Variants in DDX1 observed in about 807,000 individuals in gnomAD.
DDX1 encodes DEAD-box helicase 1.
In DDX1, 28 loss-of-function variants were observed where a neutral mutation model predicts 108.7. The ratio of observed to expected loss-of-function variants is 0.26; its 90% CI spans 0.19 to 0.35. The LOEUF is 0.35. Ranked by LOEUF, DDX1 falls within the 10% of genes least tolerant of loss-of-function variation. DDX1 has a pLI of 1.00. For synonymous variants in DDX1, 295 were observed against 288.9 expected (o/e 1.02, Z -0.21); for missense variants, 710 against 884.5 (o/e 0.80, Z 2.50).
intron 18 of DDX1, 44 bp downstream of exon 18, chr2:15,621,160 A>G: frequency 7.4e-7 from 1 of 1,351,808 alleles, no homozygotes; most frequent in East Asian, 2.3e-5. Flanking sequence ...TTGAAAATGA[A>G]ATTTATACCT....
At chr2:15,622,252 T>C (rs1285868909) in intron 18 of DDX1, among the ~76,000 whole-genome samples, 1 of 152,224 alleles carries the variant, frequency 6.6e-6, no homozygotes, top group Non-Finnish European at 1.5e-5. Flanking sequence ...TGTACAATCA[T>C]CACCACTGTC....
chr2:15,593,328 C>G (rs970686143), intron 1 of DDX1, among the ~76,000 whole-genome samples: 3 of 152,096 alleles, frequency 2.0e-5, no homozygotes, highest in Non-Finnish European at 2.9e-5. Context: ...TAGGATAGTT[C>G]TAGGTAGTCA....
At chr2:15,614,124 G>A (rs1665851962) in intron 14 of DDX1, among the ~76,000 whole-genome samples, 1 of 152,164 alleles carries the variant, frequency 6.6e-6, no homozygotes, top group Non-Finnish European at 1.5e-5. Context: ...CCTGGCCGAA[G>A]TTTAGGAAAT....
Position 15,620,191 on chromosome 2 carries a change from G to T in DDX1, c.1207-17G>T. 6.3e-7 allele frequency: 1 copy of T among 1,598,048 alleles called. No homozygotes were observed. Among genetic ancestry groups the T allele is most frequent in the African/African-American group, 1.4e-5 (1 of 73,990 alleles). On this transcript the variant is annotated splice_polypyrimidine_tract_variant and intron_variant, in intron 16 of 25. Coordinates refer to ENST00000233084, the MANE Select transcript of DDX1 (RefSeq NM_004939.3). ...TATTATAAAAGTTCATCTCAATTTG[G>T]GGTTTCCTCTTCTTAGGTGATTGTT... is the stretch of plus-strand genomic sequence containing the variant.
At chr2:15,596,152 G>A (rs1218935203) in intron 3 of DDX1, among the ~76,000 whole-genome samples, 1 of 152,178 alleles carries the variant, frequency 6.6e-6, no homozygotes, top group East Asian at 1.9e-4. Flanking sequence ...CTCCCAAAGT[G>A]CTGGAGTTAT....
At chr2:15,597,101 G>A (rs183547165) in intron 4 of DDX1, among the ~76,000 whole-genome samples, 1 of 152,268 alleles carries the variant, frequency 6.6e-6, no homozygotes, top group East Asian at 1.9e-4. Flanking sequence ...TAATTTGTCG[G>A]ACTGGATGGT....
At chr2:15,626,696 C>T (rs756059396) in intron 19 of DDX1, among the ~76,000 whole-genome samples, 3 of 152,108 alleles carry the variant, frequency 2.0e-5, no homozygotes, top group Non-Finnish European at 4.4e-5. Context: ...ATTTTGGTTC[C>T]TCCAAGAATG....
chr2:15,594,943 C>T (rs994976503), intron 1 of DDX1, among the ~76,000 whole-genome samples: 40 of 152,206 alleles, frequency 2.6e-4, no homozygotes, highest in African/African-American at 9.2e-4. Context: ...CCTAAGGTCA[C>T]TTGCTAATAA....
intron 9 of DDX1, 92 bp from the exon 10 acceptor site, chr2:15,604,345 A>C (rs1233965946): frequency 2.4e-6 from 2 of 829,540 alleles, no homozygotes; most frequent in African/African-American, 3.5e-5. Flanking sequence ...TTAAATAATT[A>C]TTTTGAAACA....
Position 15,613,985 on chromosome 2 carries a change from C to T in DDX1, c.1017+701C>T, listed in dbSNP as rs137984347. Among the ~76,000 whole-genome samples, 164 of 152,054 alleles carry T rather than the reference C, an allele frequency of 1.1e-3. 1 individual carries two copies. The highest frequency in any genetic ancestry group is 3.6e-3 in the African/African-American group (150 of 41,464). ...CTCAGTAGCTGGGATTACAGGCACC[C>T]GCCACCATGTTGGCTGATTTTTTTG... On this transcript the variant is annotated intron_variant, in intron 14 of 25. Coordinates refer to ENST00000233084, the MANE Select transcript of DDX1 (RefSeq NM_004939.3).
chr2:15,592,939 G>A (rs993122295), intron 1 of DDX1, among the ~76,000 whole-genome samples: 1 of 131,216 alleles, frequency 7.6e-6, no homozygotes, highest in African/African-American at 2.8e-5. Context: ...GGGGGGTGGG[G>A]GGATGTAGTC....
intron 13 of DDX1, among the ~76,000 whole-genome samples, chr2:15,611,139 G>T (rs1257905840): frequency 3.4e-5 from 5 of 148,656 alleles, no homozygotes; most frequent in Non-Finnish European, 6.0e-5. Flanking sequence ...ATCTTGCACC[G>T]CCCTTAATCC....
intron 13 of DDX1, 36 bp downstream of exon 13, chr2:15,607,349 T>C: frequency 6.2e-7 from 1 of 1,602,144 alleles, no homozygotes; most frequent in Non-Finnish European, 8.5e-7. Flanking sequence ...GCTTATTGTC[T>C]TTTGGTTTGA....
chr2:15,628,061 TC>T (rs1229650691), intron 20 of DDX1, among the ~76,000 whole-genome samples: 1 of 152,218 alleles, frequency 6.6e-6, no homozygotes, highest in Admixed American at 6.5e-5. Flanking sequence ...AGGTAAAATA[TC>T]TAGTATTCTG....
At chr2:15,619,171 A>G (rs1031839595) in intron 16 of DDX1, among the ~76,000 whole-genome samples, 1 of 151,708 alleles carries the variant, frequency 6.6e-6, no homozygotes, top group Non-Finnish European at 1.5e-5. Flanking sequence ...TCTGTGCCCA[A>G]CCTCACTGCT....
At chr2:15,617,663 T>G (rs1448699131) in intron 15 of DDX1, among the ~76,000 whole-genome samples, 1 of 152,206 alleles carries the variant, frequency 6.6e-6, no homozygotes. Flanking sequence ...TATTTCTAGG[T>G]ATGTAGGCAG....
chr2:15,596,306 GA>G (rs1202670106), intron 3 of DDX1, among the ~76,000 whole-genome samples: 1 of 151,788 alleles, frequency 6.6e-6, no homozygotes, highest in Non-Finnish European at 1.5e-5. Flanking sequence ...ATATGTGTCT[GA>G]GGGGGGATAA....
chr2:15,604,678 T>C (rs1383212344), intron 10 of DDX1, among the ~76,000 whole-genome samples, 169 bp downstream of exon 10: 1 of 152,142 alleles, frequency 6.6e-6, no homozygotes, highest in African/African-American at 2.4e-5. Context: ...TGGTAAGTAC[T>C]GGAGGCACAG....
Position 15,630,766 on chromosome 2 carries a change from T to C in DDX1, c.2093-10T>C, listed in dbSNP as rs568629433. 4.4e-6 allele frequency: 7 copies of C among 1,608,976 alleles called. No individual in the cohort carries two copies. The South Asian group carries it at 6.6e-5, about 15-fold the overall frequency. ...CATTTACATTACTTTGTTATTTGTG[T>C]GTGATGCAGGTGGAAGCTATAAAGG... On this transcript the variant is annotated splice_polypyrimidine_tract_variant and intron_variant, in intron 25 of 25. Transcript: ENST00000233084.
Sources: gnomAD v4.1 joint callset for allele counts (sites outside exome capture counted in the v4.1 genomes callset) on GRCh38, gnomAD v4.1.1 for gene constraint, MANE v1.5 for transcripts, NCBI Gene and HGNC (gene_info 2026-07-23, HGNC 2026-07-21) for gene names.